Variants in ARIH2 observed in about 807,000 individuals in gnomAD.
ARIH2 encodes the protein ariadne RBR E3 ubiquitin protein ligase 2.
ARIH2 carries 12 observed loss-of-function variants against 79.8 expected under a neutral mutation model. That is an observed-to-expected ratio of 0.15 (90% CI 0.10 to 0.24). The LOEUF is 0.24. ARIH2 is among the 10% of genes least tolerant of loss of function. The pLI is 1.00. For missense variants in ARIH2, 301 were observed against 618.3 expected (o/e 0.49, Z 5.44); for synonymous variants, 224 against 213.9 (o/e 1.05, Z -0.41).
intron 3 of ARIH2, chr3:48,945,023 C>T (rs1347386426): frequency 4.5e-6 from 4 of 887,214 alleles, no homozygotes; most frequent in Non-Finnish European, 3.2e-6. Context: ...GATTGGACCA[C>T]GAAGTGGCAG....
intron 3 of ARIH2, among the ~76,000 whole-genome samples, chr3:48,948,802 A>G (rs920943071): frequency 6.6e-6 from 1 of 152,202 alleles, no homozygotes; most frequent in African/African-American, 2.4e-5. Context: ...ATTATACAAT[A>G]TGTAATCTTT....
intron 3 of ARIH2, chr3:48,934,421 G>A: frequency 1.0e-6 from 1 of 983,212 alleles, no homozygotes; most frequent in Non-Finnish European, 1.2e-6. Context: ...GACCAATAAT[G>A]GTTTGTTGTT....
rs1458946649 is a variant in ARIH2 at position 48,920,568 on chromosome 3, A to G, written c.-162+1570A>G. Among the ~76,000 whole-genome samples, 2 of 61,168 alleles carry G rather than the reference A, an allele frequency of 3.3e-5. 1 individual carries two copies. Among genetic ancestry groups the G allele is most frequent in the African/African-American group, 1.1e-4 (2 of 18,480 alleles). 40.1% of individuals were successfully genotyped at this position (61,168 alleles called of 152,430 possible). A position where few individuals can be genotyped will look rare whatever the true frequency, so the allele number is the denominator to read the frequency against. Reference sequence around the variant, plus strand: ...GAGTGCAGTGGTGCAGTCTCGGTTCACTGCAGCCTCCATCTCCCAGATCAA... The same window carrying G: ...GAGTGCAGTGGTGCAGTCTCGGTTCGCTGCAGCCTCCATCTCCCAGATCAA... On this transcript the variant is annotated intron_variant, in intron 1 of 15. Coordinates refer to ENST00000356401, the MANE Select transcript of ARIH2 (RefSeq NM_006321.4).
Position 48,927,502 on chromosome 3 carries a change from G to T in ARIH2, c.-57G>T, listed in dbSNP as rs1377457199. On this transcript the variant is annotated 5_prime_UTR_variant, in exon 3 of 16. Transcript: ENST00000356401. Reference sequence around the variant, plus strand: ...ATGCATTTGAGAAAGCGGTAGTTTTGGGGGGAGGGGGAAAAAGCAACTGCT... The same window carrying T: ...ATGCATTTGAGAAAGCGGTAGTTTTTGGGGGAGGGGGAAAAAGCAACTGCT... 8.2e-6 allele frequency: 13 copies of T among 1,579,708 alleles called. No homozygotes were observed. Among genetic ancestry groups the T allele is most frequent in the African/African-American group, 1.4e-5 (1 of 73,086 alleles).
At chr3:48,919,751 C>T (rs1035182761) in intron 1 of ARIH2, among the ~76,000 whole-genome samples, 2 of 152,122 alleles carry the variant, frequency 1.3e-5, no homozygotes, top group African/African-American at 4.8e-5. Context: ...AAGACAGATA[C>T]AAAGTGTAGG....
chr3:48,950,412 C>T (rs1258921045), intron 3 of ARIH2, among the ~76,000 whole-genome samples: 1 of 152,146 alleles, frequency 6.6e-6, no homozygotes, highest in Non-Finnish European at 1.5e-5. Context: ...AGTATCTCCA[C>T]TGTCTTGATT....
chr3:48,953,756 G>A (rs1334527516), intron 3 of ARIH2, among the ~76,000 whole-genome samples: 2 of 151,958 alleles, frequency 1.3e-5, no homozygotes, highest in African/African-American at 2.4e-5. Context: ...GAGCGTAGTG[G>A]CGTGATCATG....
chr3:48,933,937 G>C (rs1050804958), intron 3 of ARIH2, among the ~76,000 whole-genome samples: 1 of 152,026 alleles, frequency 6.6e-6, no homozygotes, highest in African/African-American at 2.4e-5. Context: ...ATTTCTTCTT[G>C]CTTTATGAAT....
intron 2 of ARIH2, among the ~76,000 whole-genome samples, chr3:48,925,403 G>T (rs1201655309): frequency 6.9e-6 from 1 of 144,674 alleles, no homozygotes; most frequent in Non-Finnish European, 1.5e-5. Context: ...ATGAGCCACC[G>T]CGCCCAGCTG....
chr3:48,958,576 G>A (rs1576394538), intron 3 of ARIH2, among the ~76,000 whole-genome samples: 1 of 152,146 alleles, frequency 6.6e-6, no homozygotes, highest in Non-Finnish European at 1.5e-5. Context: ...TGGGCGTGGT[G>A]GCGGGCGCCT....
chr3:48,949,661 A>AT (rs1306638431), intron 3 of ARIH2, among the ~76,000 whole-genome samples: 2 of 152,078 alleles, frequency 1.3e-5, no homozygotes, highest in East Asian at 1.9e-4. Flanking sequence ...TCATACATTT[A>AT]TTTTTTGTGG....
chr3:48,943,763 G>A (rs2088702988), intron 3 of ARIH2, among the ~76,000 whole-genome samples: 1 of 152,140 alleles, frequency 6.6e-6, no homozygotes. Flanking sequence ...ATTAAGATGT[G>A]CTGGCCTCTG....
chr3:48,931,594 CA>C (rs200793029), intron 3 of ARIH2, among the ~76,000 whole-genome samples: 3 of 151,454 alleles, frequency 2.0e-5, no homozygotes, highest in African/African-American at 4.8e-5. Context: ...CAAAAAGCTG[CA>C]AAAAAAATTT....
At chr3:48,960,977 A>G (rs552982306) in intron 3 of ARIH2, among the ~76,000 whole-genome samples, 39 of 152,254 alleles carry the variant, frequency 2.6e-4, no homozygotes, top group Non-Finnish European at 4.6e-4. Context: ...TGCGAGCTCA[A>G]TGCACCTTCT....
At chr3:48,934,594 C>T in intron 3 of ARIH2, 4 of 985,380 alleles carry the variant, frequency 4.1e-6, no homozygotes, top group Non-Finnish European at 4.8e-6. Flanking sequence ...AGGTTAAATT[C>T]CTGCGTTTCA....
chr3:48,947,915 C>T (rs1413291233), intron 3 of ARIH2, among the ~76,000 whole-genome samples: 4 of 151,966 alleles, frequency 2.6e-5, no homozygotes, highest in Non-Finnish European at 5.9e-5. Flanking sequence ...GTTTTACATG[C>T]CATTAAACTC....
chr3:48,935,058 T>C, intron 3 of ARIH2: 7 of 631,674 alleles, frequency 1.1e-5, no homozygotes, highest in Non-Finnish European at 1.4e-5. Flanking sequence ...ATATCATTCA[T>C]GTTTTCATTA....
intron 4 of ARIH2, 87 bp from the exon 5 acceptor site, chr3:48,964,832 T>TA: frequency 9.6e-7 from 1 of 1,039,410 alleles, no homozygotes; most frequent in Non-Finnish European, 1.5e-6. Context: ...AAAGATGCTC[T>TA]AAACATCTTT....
intron 11 of ARIH2, among the ~76,000 whole-genome samples, chr3:48,978,431 G>A (rs1242619234): frequency 2.7e-5 from 3 of 111,928 alleles, no homozygotes; most frequent in African/African-American, 6.9e-5. Context: ...ATGTGTGTGT[G>A]TGTGTGTGTG....
Sources: allele counts gnomAD v4.1 joint callset (sites outside exome capture counted in the v4.1 genomes callset), GRCh38; gene constraint gnomAD v4.1.1; transcripts MANE v1.5; gene names NCBI Gene and HGNC (gene_info 2026-07-23, HGNC 2026-07-21).